CDYL2: variants seen among roughly 807,000 people sequenced by gnomAD.
CDYL2 encodes chromodomain Y-like protein 2.
CDYL2 carries 23 observed loss-of-function variants against 49.4 expected under a neutral mutation model. The observed-to-expected ratio is 0.47, with a 90% CI of 0.34 to 0.66. The LOEUF (loss-of-function observed/expected upper bound fraction) is 0.66, where lower values mean the gene tolerates loss of function less well. Among genes scored for constraint, CDYL2 ranks in the 30% least tolerant of loss-of-function variants. CDYL2 has a pLI of 0.01. For synonymous variants in CDYL2, 360 were observed against 268.8 expected, an observed-to-expected ratio of 1.34 and a Z score of -3.32; for missense variants, 678 against 656.4, an observed-to-expected ratio of 1.03 and a Z score of -0.36.
At chr16:80,720,755 G>A (rs1904970437) in intron 1 of CDYL2, among the ~76,000 whole-genome samples, 1 of 152,170 alleles carries the variant, frequency 6.6e-6, no homozygotes, top group Admixed American at 6.5e-5. Flanking sequence ...TCATTCAGCA[G>A]CATTAGTGAG....
intron 2 of CDYL2, among the ~76,000 whole-genome samples, chr16:80,647,167 C>G (rs2142413802): frequency 6.6e-6 from 1 of 152,168 alleles, no homozygotes; most frequent in Non-Finnish European, 1.5e-5. Flanking sequence ...TGAAATATCT[C>G]TACAATAAAA....
rs563488578 is a variant in CDYL2 at position 80,622,883 on chromosome 16, G to A, written c.835-1948C>T. 2.0e-5 allele frequency among the ~76,000 whole-genome samples: 3 copies of A among 152,294 alleles called. No homozygotes were observed. In the South Asian group the frequency reaches 6.2e-4, roughly 32 times the overall value. On this transcript the variant is annotated intron_variant, in intron 3 of 6. Transcript: ENST00000570137. The stretch of plus-strand genomic sequence containing the variant: ...TGAGCAACTATTTTTGGATGAGCCT[G>A]AAGGTTACAGAGCACTTGCCCATGA...
intron 1 of CDYL2, among the ~76,000 whole-genome samples, chr16:80,718,186 T>G (rs1035889556): frequency 1.3e-5 from 2 of 152,248 alleles, no homozygotes; most frequent in African/African-American, 4.8e-5. Context: ...TATACCAGGC[T>G]GCATAGGGAG....
chr16:80,735,759 C>T lies in CDYL2; in HGVS notation c.25-50630G>A, dbSNP rs80150150. Among the ~76,000 whole-genome samples the T allele has an allele frequency of 9.6e-3, 1,466 of 152,344 alleles. 31 individuals carry two copies. Among genetic ancestry groups the T allele is most frequent in the African/African-American group, 0.033 (1,374 of 41,578 alleles). On this transcript the variant is annotated intron_variant, in intron 1 of 6. Transcript: ENST00000570137. The stretch of plus-strand genomic sequence containing the variant: ...GACAGAGTACTCTGAAGCCATGGCA[C>T]TGCTTTCAGACCACCCCTTCCATTT...
rs1269500211 is a variant in CDYL2 at position 80,757,125 on chromosome 16, G to C, written c.24+47025C>G. 2.0e-5 allele frequency among the ~76,000 whole-genome samples: 3 copies of C among 152,070 alleles called. No individual in the cohort carries two copies. The East Asian group carries it at 5.8e-4, about 29-fold the overall frequency. On this transcript the variant is annotated intron_variant, in intron 1 of 6. Coordinates refer to ENST00000570137, the MANE Select transcript of CDYL2 (RefSeq NM_152342.4). ...AAGAAATAAGAGCTTCAATTACCAGGACAGACAGAGAAAATGACCACTGTT... is the reference window on the plus strand; with the variant it reads ...AAGAAATAAGAGCTTCAATTACCAGCACAGACAGAGAAAATGACCACTGTT...
intron 3 of CDYL2, among the ~76,000 whole-genome samples, chr16:80,623,486 T>C (rs953716654): frequency 6.6e-6 from 1 of 152,112 alleles, no homozygotes; most frequent in Non-Finnish European, 1.5e-5. Flanking sequence ...ACCTCACTAC[T>C]CAAAGTATGG....
chr16:80,757,861 C>G (rs1387731861), intron 1 of CDYL2, among the ~76,000 whole-genome samples: 1 of 151,918 alleles, frequency 6.6e-6, no homozygotes, highest in East Asian at 1.9e-4. Flanking sequence ...CTATTCTTTC[C>G]AAGTCTACTA....
chr16:80,646,975 A>G (rs1908377448), intron 2 of CDYL2, among the ~76,000 whole-genome samples: 1 of 152,162 alleles, frequency 6.6e-6, no homozygotes, highest in Admixed American at 6.5e-5. Context: ...TGTCAGATAA[A>G]ATATACTTCA....
chr16:80,714,072 G>A (rs935370891), intron 1 of CDYL2, among the ~76,000 whole-genome samples: 1 of 152,136 alleles, frequency 6.6e-6, no homozygotes, highest in African/African-American at 2.4e-5. Flanking sequence ...AAACCTGTGA[G>A]CATTAAAAAT....
chr16:80,785,788 T>C (rs1567606280), intron 1 of CDYL2, among the ~76,000 whole-genome samples: 1 of 151,736 alleles, frequency 6.6e-6, no homozygotes, highest in East Asian at 1.9e-4. Context: ...GAACAGAAAA[T>C]AGGCCTCAGA....
intron 1 of CDYL2, among the ~76,000 whole-genome samples, chr16:80,686,253 T>A (rs1032118225): frequency 6.6e-6 from 1 of 152,236 alleles, no homozygotes; most frequent in African/African-American, 2.4e-5. Context: ...TCGATGCTAA[T>A]AACTGTTGTA....
intron 1 of CDYL2, among the ~76,000 whole-genome samples, chr16:80,698,503 C>T (rs555937532): frequency 6.6e-5 from 10 of 152,022 alleles, no homozygotes; most frequent in Admixed American, 3.3e-4. Context: ...ATATGTGATA[C>T]GGTTTGGATC....
chr16:80,788,439 C>A (rs925425957), intron 1 of CDYL2, among the ~76,000 whole-genome samples: 1 of 152,202 alleles, frequency 6.6e-6, no homozygotes, highest in Non-Finnish European at 1.5e-5. Context: ...TTGAACAATA[C>A]AACAGACACC....
intron 1 of CDYL2, among the ~76,000 whole-genome samples, chr16:80,768,637 C>T (rs1009721574): frequency 6.6e-6 from 1 of 152,126 alleles, no homozygotes; most frequent in Non-Finnish European, 1.5e-5. Flanking sequence ...CCTTCTAATA[C>T]CATCCCCTTT....
intron 1 of CDYL2, among the ~76,000 whole-genome samples, chr16:80,789,136 G>A (rs867690818): frequency 5.3e-5 from 8 of 152,072 alleles, no homozygotes; most frequent in Non-Finnish European, 1.0e-4. Context: ...GAGTTGGCTT[G>A]GTTGTGGAGA....
At chr16:80,782,066 A>C (rs1377742980) in intron 1 of CDYL2, among the ~76,000 whole-genome samples, 1 of 152,006 alleles carries the variant, frequency 6.6e-6, no homozygotes, top group Non-Finnish European at 1.5e-5. Context: ...TAGAGAATAC[A>C]AAAACAATAG....
rs201777900 is a variant in CDYL2 at position 80,684,822 on chromosome 16, G to A, written c.332C>T (p.Pro111Leu). Residue 111 changes from proline (P) to leucine (L), a missense_variant, in exon 2 of 7, where the codon CCT becomes CTT. Physicochemically the swap from Pro to Leu is moderately conservative, Grantham distance 98 (BLOSUM62 -3). Coordinates refer to ENST00000570137, the MANE Select transcript of CDYL2 (RefSeq NM_152342.4). The stretch of plus-strand genomic sequence containing the variant: ...CCCTTTTTTTGGCTTGGCCAGGGGA[G>A]GGTTAATTCGCTTCCGTTTATGGGA... ...GTSHKRKRINPPLAKPKKGYS... is the reference protein window; with the variant it reads ...GTSHKRKRINLPLAKPKKGYS... The A allele has an allele frequency of 3.1e-6, 5 of 1,614,184 alleles. No homozygotes were observed. Among genetic ancestry groups the A allele is most frequent in the East Asian group, 4.5e-5 (2 of 44,860 alleles).
At position 80,730,241 on chromosome 16, in the gene CDYL2, C is replaced by T. The variant is rs1179051104; in HGVS notation, c.25-45112G>A. On this transcript the variant is annotated intron_variant, in intron 1 of 6. Transcript: ENST00000570137. ...AAGAAAAAAAGAGAGAAGAATCAAA[C>T]AGATGCAATAAAAAATGATAAAGGG... is the stretch of plus-strand genomic sequence containing the variant. Among the ~76,000 whole-genome samples, 23 of 152,118 alleles carry T rather than the reference C, an allele frequency of 1.5e-4. 1 individual carries two copies. In the East Asian group the frequency reaches 4.2e-3, roughly 28 times the overall value.
At position 80,600,438 on chromosome 16, in the gene CDYL2, C is replaced by T. The variant is rs1405781889; in HGVS notation, c.*3950G>A. The stretch of plus-strand genomic sequence containing the variant: ...GAAATAACTAAGCAACACTTATCTA[C>T]AACAAAAATATACATGCAAGACAAC... On this transcript the variant is annotated 3_prime_UTR_variant, in exon 7 of 7. Transcript: ENST00000570137. The T allele has an allele frequency of 6.6e-6, 1 of 152,114 alleles. No homozygotes were observed. The highest frequency in any genetic ancestry group is 1.5e-5 in the Non-Finnish European group (1 of 68,018). The allele number at this position is 152,114 out of a possible 1,614,324, so 9.4% of individuals were successfully genotyped here.
Sources: allele counts gnomAD v4.1 joint callset (sites outside exome capture counted in the v4.1 genomes callset), GRCh38; gene constraint gnomAD v4.1.1; transcripts MANE v1.5; gene names NCBI Gene and HGNC (gene_info 2026-07-23, HGNC 2026-07-21).